Variants in ADAMTS12 observed in about 807,000 individuals in gnomAD.
The protein encoded by ADAMTS12 is ADAM metallopeptidase with thrombospondin type 1 motif 12.
A neutral mutation model predicts 167.8 loss-of-function variants in ADAMTS12; 118 were observed. The ratio of observed to expected loss-of-function variants is 0.70; its 90% confidence interval spans 0.61 to 0.82. ADAMTS12 has a LOEUF of 0.82. Among genes scored for constraint, ADAMTS12 ranks in the 40% least tolerant of loss-of-function variants. The probability of loss-of-function intolerance (pLI) is 0.00; values close to 1 mark genes in which losing one functional copy is unlikely to be tolerated. For synonymous variants in ADAMTS12, 704 were observed against 716.9 expected, an observed-to-expected ratio of 0.98 and a Z score of 0.29; for missense variants, 1,916 against 1,998.8, an observed-to-expected ratio of 0.96 and a Z score of 0.79.
intron 13 of ADAMTS12, among the ~76,000 whole-genome samples, chr5:33,625,304 A>T (rs867718896): frequency 3.3e-4 from 46 of 138,734 alleles, no homozygotes; most frequent in African/African-American, 1.0e-3. Flanking sequence ...TAAGAGATTT[A>T]AAAAAAAAAA....
intron 2 of ADAMTS12, among the ~76,000 whole-genome samples, chr5:33,812,405 A>G (rs1395661243): frequency 2.0e-5 from 3 of 152,220 alleles, no homozygotes; most frequent in Admixed American, 6.5e-5. Flanking sequence ...CGAAAAATGA[A>G]CACATTTTAA....
chr5:33,661,121 C>G (rs1741242191), intron 6 of ADAMTS12, among the ~76,000 whole-genome samples: 1 of 152,162 alleles, frequency 6.6e-6, no homozygotes, highest in Non-Finnish European at 1.5e-5. Flanking sequence ...CTATACATAC[C>G]TGGATTTCTG....
rs567929298 is a variant in ADAMTS12, at chr5:33,765,230, A to G, written c.490-13682T>C. On this transcript the variant is annotated intron_variant, in intron 2 of 23. Transcript: ENST00000504830. The stretch of plus-strand genomic sequence containing the variant: ...CCATTTGAAGGTAATTGCAGACATC[A>G]TGGCAATTTAGCCCTAAATACTTCA... Among the ~76,000 whole-genome samples, 5 of 152,366 alleles carry G rather than the reference A, an allele frequency of 3.3e-5. No homozygotes were observed. In the East Asian group the frequency reaches 9.6e-4, roughly 29 times the overall value.
intron 2 of ADAMTS12, among the ~76,000 whole-genome samples, chr5:33,768,746 G>A (rs908321277): frequency 1.3e-5 from 2 of 152,016 alleles, no homozygotes; most frequent in African/African-American, 4.8e-5. Context: ...CCATGTTCAG[G>A]AACATGTAGT....
In ADAMTS12 at chr5:33,751,521, C is replaced by G. The variant is rs141628162; in HGVS notation, c.517G>C (p.Asp173His). The G allele has an allele frequency of 5.0e-4, 815 of 1,614,076 alleles. 7 individuals carry two copies. The African/African-American group carries it at 9.8e-3, about 19-fold the overall frequency. The change falls in exon 3 of 24, where the codon GAC becomes CAC. Residue 173 changes from aspartate (D) to histidine (H), a missense_variant. By Grantham distance (81) the Asp-to-His change is moderately conservative. Coordinates refer to ENST00000504830, the MANE Select transcript of ADAMTS12 (RefSeq NM_030955.4). ...TTCTTCACGGGTTCAATGAAAAAGT[C>G]TCCATGTGGTAGTTGGAAAAATCCA... is the stretch of plus-strand genomic sequence containing the variant. ...LTGFFQLPHG[D>H]FFIEPVKKHP...
intron 2 of ADAMTS12, among the ~76,000 whole-genome samples, chr5:33,770,915 T>C (rs1006197684): frequency 3.3e-4 from 50 of 152,082 alleles, no homozygotes; most frequent in African/African-American, 1.2e-3. Flanking sequence ...GATCTTGAAC[T>C]TATGACCTCA....
chr5:33,596,097 C>A, intron 16 of ADAMTS12, 37 bp from the exon 17 acceptor site: 1 of 1,609,818 alleles, frequency 6.2e-7, no homozygotes, highest in Non-Finnish European at 8.5e-7. Context: ...CATATTGAAT[C>A]CTGAGCCCAC....
rs778205426 is a variant in ADAMTS12 at position 33,643,487 on chromosome 5, A to C, written c.1480-17T>G. On this transcript the variant is annotated splice_polypyrimidine_tract_variant and intron_variant, in intron 9 of 23. Coordinates refer to ENST00000504830, the MANE Select transcript of ADAMTS12 (RefSeq NM_030955.4). ...GCAGACGTTCTAGAAAACAAATTGC[A>C]CTTCTTTTGTATTTTCAAAACCTGC... 1.2e-6 allele frequency: 2 copies of C among 1,612,124 alleles called. No individual in the cohort carries two copies. Among genetic ancestry groups the C allele is most frequent in the East Asian group, 2.2e-5 (1 of 44,818 alleles).
At chr5:33,784,985 G>A (rs761060189) in intron 2 of ADAMTS12, among the ~76,000 whole-genome samples, 2 of 151,858 alleles carry the variant, frequency 1.3e-5, no homozygotes, top group Admixed American at 6.6e-5. Flanking sequence ...TGTGCAGATC[G>A]ATGGAAGAAA....
chr5:33,698,233 G>A (rs1425358729), intron 3 of ADAMTS12, among the ~76,000 whole-genome samples: 1 of 152,146 alleles, frequency 6.6e-6, no homozygotes, highest in Non-Finnish European at 1.5e-5. Flanking sequence ...TTATAATGAT[G>A]TTACATTTTG....
intron 18 of ADAMTS12, among the ~76,000 whole-genome samples, chr5:33,585,881 C>T (rs530554656): frequency 9.2e-5 from 14 of 152,206 alleles, no homozygotes; most frequent in East Asian, 5.8e-4. Flanking sequence ...CAACCTGGCA[C>T]GGCTGAGCCC....
At chr5:33,629,449 A>C (rs1739816417) in intron 13 of ADAMTS12, among the ~76,000 whole-genome samples, 1 of 152,182 alleles carries the variant, frequency 6.6e-6, no homozygotes, top group African/African-American at 2.4e-5. Context: ...CTCTGTTAAG[A>C]GCTTAACATA....
intron 11 of ADAMTS12, among the ~76,000 whole-genome samples, chr5:33,640,234 G>A (rs770277594): frequency 1.3e-5 from 2 of 152,132 alleles, no homozygotes; most frequent in Non-Finnish European, 2.9e-5. Context: ...TAAGCAAACC[G>A]GCAATGAAGA....
intron 3 of ADAMTS12, among the ~76,000 whole-genome samples, chr5:33,720,722 A>T (rs1033998580): frequency 1.3e-5 from 2 of 152,216 alleles, no homozygotes; most frequent in African/African-American, 4.8e-5. Flanking sequence ...ATGGAGACCA[A>T]CTGAAACCCT....
At chr5:33,858,673 A>AG (rs1173948960) in intron 2 of ADAMTS12, among the ~76,000 whole-genome samples, 2 of 141,820 alleles carry the variant, frequency 1.4e-5, no homozygotes, top group African/African-American at 5.4e-5. Context: ...AAAAAAAAGA[A>AG]AAGAAAAAAG....
At chr5:33,588,473 A>G (rs993961878) in intron 18 of ADAMTS12, 126 bp downstream of exon 18, 1 of 1,095,688 alleles carries the variant, frequency 9.1e-7, no homozygotes, top group African/African-American at 1.5e-5. Context: ...GAGACAGGCC[A>G]GGGGTGATGA....
intron 16 of ADAMTS12, among the ~76,000 whole-genome samples, chr5:33,597,088 C>T (rs1737927334): frequency 1.3e-5 from 2 of 152,210 alleles, no homozygotes; most frequent in African/African-American, 4.8e-5. Flanking sequence ...GAAATCAGCA[C>T]CGTCATTATC....
chr5:33,591,508 A>G (rs959762517), intron 17 of ADAMTS12, among the ~76,000 whole-genome samples: 9 of 152,206 alleles, frequency 5.9e-5, no homozygotes, highest in African/African-American at 2.2e-4. Context: ...ATCCGATTCA[A>G]CTAAACATTT....
rs543779089 is a variant in ADAMTS12 at position 33,718,565 on chromosome 5, C to G, written c.634+32839G>C. ...TTTCATCCCAAAACTATCCCACCCCCTCCCAGTCCGTGGAAAAAATGTCTT... is the reference window on the plus strand; with the variant it reads ...TTTCATCCCAAAACTATCCCACCCCGTCCCAGTCCGTGGAAAAAATGTCTT... On this transcript the variant is annotated intron_variant, in intron 3 of 23. Transcript: ENST00000504830. 2.9e-4 allele frequency among the ~76,000 whole-genome samples: 44 copies of G among 152,270 alleles called. No individual in the cohort carries two copies. The East Asian group carries it at 7.3e-3, about 25-fold the overall frequency.
Sources: allele counts gnomAD v4.1 joint callset (sites outside exome capture counted in the v4.1 genomes callset), GRCh38; gene constraint gnomAD v4.1.1; transcripts MANE v1.5; gene names NCBI Gene and HGNC (gene_info 2026-07-23, HGNC 2026-07-21).